The following APBB2 variants were observed in gnomAD, a reference collection of about 807,000 sequenced individuals.
APBB2 encodes amyloid beta precursor protein binding family B member 2, also known as Fe65-like 1.
In APBB2, 38 loss-of-function variants were observed where a neutral mutation model predicts 82.5. The observed-to-expected ratio is 0.46, with a 90% CI of 0.36 to 0.60. The LOEUF (loss-of-function observed/expected upper bound fraction) is 0.60, where lower values mean the gene tolerates loss of function less well. APBB2 is among the 20% of genes least tolerant of loss of function. APBB2 has a pLI of 0.00. For synonymous variants in APBB2, 341 were observed against 368.2 expected (o/e 0.93, Z 0.85); for missense variants, 772 against 972.3 (o/e 0.79, Z 2.74).
chr4:41,204,241 T>G (rs1269852078), intron 1 of APBB2, among the ~76,000 whole-genome samples: 2 of 152,228 alleles, frequency 1.3e-5, no homozygotes, highest in Admixed American at 1.3e-4. Flanking sequence ...GACTTCATCC[T>G]GAGGGCAGCA....
In APBB2 at chr4:41,159,969, GAAGAAGAAGAAGA is replaced by G. The variant is rs1560913613; in HGVS notation, c.-416-16840_-416-16828del. 2.4e-3 allele frequency among the ~76,000 whole-genome samples: 235 copies of G among 98,752 alleles called. 15 individuals carry two copies. Among genetic ancestry groups the G allele is most frequent in the African/African-American group, 8.2e-3 (212 of 25,724 alleles). The allele number at this position is 98,752 out of a possible 152,430, so 64.8% of individuals were successfully genotyped here. On this transcript the variant is annotated intron_variant, in intron 1 of 17. Coordinates refer to ENST00000508593, the MANE Select transcript of APBB2 (RefSeq NM_004307.2). The stretch of plus-strand genomic sequence containing the variant: ...AGAAGGAGAAGGAGAAGGAGAAGAA[GAAGAAGAAGAAGA>G]AGAAGAAGAAGAAGAAGAAGAAGAA...
intron 4 of APBB2, among the ~76,000 whole-genome samples, chr4:41,034,849 G>A (rs1464652238): frequency 6.6e-6 from 1 of 152,104 alleles, no homozygotes. Flanking sequence ...TACATAATAA[G>A]GAAAACTGAA....
chr4:41,178,126 C>G (rs1221368247), intron 1 of APBB2, among the ~76,000 whole-genome samples: 1 of 152,242 alleles, frequency 6.6e-6, no homozygotes, highest in South Asian at 2.1e-4. Flanking sequence ...CAAATGCAAA[C>G]CATATAAACA....
chr4:40,923,351 A>G (rs944408374), intron 10 of APBB2, among the ~76,000 whole-genome samples: 2 of 152,238 alleles, frequency 1.3e-5, no homozygotes, highest in Non-Finnish European at 2.9e-5. Flanking sequence ...ATCTGGCATT[A>G]AGCTCTCAGG....
At chr4:41,176,243 G>C (rs139163954) in intron 1 of APBB2, among the ~76,000 whole-genome samples, 3 of 152,176 alleles carry the variant, frequency 2.0e-5, no homozygotes, top group African/African-American at 7.2e-5. Flanking sequence ...ATCACAGAAA[G>C]CATAAAGAGT....
intron 2 of APBB2, among the ~76,000 whole-genome samples, chr4:41,120,523 C>T (rs2153991504): frequency 6.6e-6 from 1 of 152,280 alleles, no homozygotes; most frequent in East Asian, 1.9e-4. Flanking sequence ...TTTTCCTTGA[C>T]CTTAAAATAA....
At chr4:41,186,708 T>C (rs1175564985) in intron 1 of APBB2, among the ~76,000 whole-genome samples, 1 of 152,174 alleles carries the variant, frequency 6.6e-6, no homozygotes, top group Non-Finnish European at 1.5e-5. Flanking sequence ...CCACCATAAA[T>C]TGAAAATATC....
intron 1 of APBB2, among the ~76,000 whole-genome samples, chr4:41,152,528 C>T: frequency 6.6e-6 from 1 of 152,032 alleles, no homozygotes; most frequent in South Asian, 2.1e-4. Flanking sequence ...CGGGATTTCA[C>T]CGTGTTAGCC....
intron 3 of APBB2, among the ~76,000 whole-genome samples, chr4:41,073,759 A>G (rs1425984815): frequency 6.6e-6 from 1 of 152,226 alleles, no homozygotes; most frequent in African/African-American, 2.4e-5. Context: ...CCCTTTAAGA[A>G]TCATGAAAAA....
chr4:40,948,653 G>A lies in APBB2; in HGVS notation c.836-3580C>T, dbSNP rs554779554. Among the ~76,000 whole-genome samples the A allele has an allele frequency of 8.8e-4, 134 of 151,480 alleles. 1 individual carries two copies. Among genetic ancestry groups the A allele is most frequent in the African/African-American group, 3.2e-3 (131 of 41,218 alleles). On this transcript the variant is annotated intron_variant, in intron 6 of 17. Coordinates refer to ENST00000508593, the MANE Select transcript of APBB2 (RefSeq NM_004307.2). ...TGGACACCTGTAATCCCAGCTACTC[G>A]GAAGGCTGAGGAAGGAGAATCACTT...
intron 4 of APBB2, among the ~76,000 whole-genome samples, chr4:41,045,581 C>T (rs1158935558): frequency 6.6e-6 from 1 of 152,120 alleles, no homozygotes; most frequent in Non-Finnish European, 1.5e-5. Flanking sequence ...TGTGAGCCAC[C>T]GTGCCTGGCA....
At chr4:40,893,121 G>T (rs772062652) in intron 11 of APBB2, 144 bp downstream of exon 11, 4 of 956,028 alleles carry the variant, frequency 4.2e-6, no homozygotes, top group Non-Finnish European at 6.2e-6. Flanking sequence ...GGGGTACCAT[G>T]CCTACACTTC....
At chr4:41,207,350 C>A (rs116254895) in intron 1 of APBB2, among the ~76,000 whole-genome samples, 1 of 152,232 alleles carries the variant, frequency 6.6e-6, no homozygotes, top group South Asian at 2.1e-4. Flanking sequence ...CAATTCAAGG[C>A]TCACCCTGGA....
rs1457290275 is a variant in APBB2 at position 40,982,213 on chromosome 4, AAAAGAAAGGAAAGAAAG to A, written c.835+31353_835+31369del. Among the ~76,000 whole-genome samples, 61 of 29,638 alleles carry A rather than the reference AAAAGAAAGGAAAGAAAG, an allele frequency of 2.1e-3. 8 individuals carry two copies. The highest frequency in any genetic ancestry group is 2.7e-3 in the Admixed American group (6 of 2,194). The allele number at this position is 29,638 out of a possible 152,430, so 19.4% of individuals were successfully genotyped here. ...AAAAAAGGAAAGAAAGAAAAGAAAG[AAAAGAAAGGAAAGAAAG>A]AAAGAAAGAAAGAAAGAAAGAAAGA... On this transcript the variant is annotated intron_variant, in intron 6 of 17. Transcript: ENST00000508593.
At chr4:40,927,101 C>G (rs766233394) in intron 10 of APBB2, among the ~76,000 whole-genome samples, 14 of 152,190 alleles carry the variant, frequency 9.2e-5, no homozygotes, top group Non-Finnish European at 2.9e-5. Flanking sequence ...TTCTCAGAAC[C>G]TGAAATGACT....
intron 12 of APBB2, among the ~76,000 whole-genome samples, chr4:40,876,593 T>C (rs1253334700): frequency 4.6e-5 from 7 of 152,224 alleles, no homozygotes; most frequent in South Asian, 2.1e-4. Context: ...AAGCCTCTTA[T>C]ATAAAATGGG....
intron 1 of APBB2, among the ~76,000 whole-genome samples, chr4:41,162,341 C>T (rs1480581807): frequency 2.0e-5 from 3 of 151,952 alleles, no homozygotes; most frequent in Non-Finnish European, 4.4e-5. Flanking sequence ...CTCTCTGTCT[C>T]CCTTTTTTCT....
intron 3 of APBB2, among the ~76,000 whole-genome samples, chr4:41,097,777 G>C (rs778339537): frequency 2.6e-5 from 4 of 152,002 alleles, no homozygotes; most frequent in Non-Finnish European, 4.4e-5. Flanking sequence ...TGCTTGAAAT[G>C]CTTGAAACAA....
chr4:41,012,740 T>C (rs1808743481), intron 6 of APBB2, among the ~76,000 whole-genome samples: 1 of 152,212 alleles, frequency 6.6e-6, no homozygotes, highest in Admixed American at 6.5e-5. Flanking sequence ...CTAGGGGAAC[T>C]GCTGGACTAC....
Sources: allele counts gnomAD v4.1 joint callset (sites outside exome capture counted in the v4.1 genomes callset), GRCh38; gene constraint gnomAD v4.1.1; transcripts MANE v1.5; gene names NCBI Gene and HGNC (gene_info 2026-07-23, HGNC 2026-07-21).